Variants in NR2C1 observed in about 807,000 individuals in gnomAD.
The protein encoded by NR2C1 is nuclear receptor subfamily 2 group C member 1, also known as TR2 nuclear hormone receptor.
NR2C1 carries 33 observed loss-of-function variants against 74.8 expected under a neutral mutation model. The ratio of observed to expected loss-of-function variants is 0.44; its 90% confidence interval spans 0.33 to 0.59. The LOEUF (loss-of-function observed/expected upper bound fraction) is 0.59, where lower values mean the gene tolerates loss of function less well. Ranked by LOEUF, NR2C1 falls within the 20% of genes least tolerant of loss-of-function variation. The pLI, the probability that NR2C1 is intolerant of heterozygous loss-of-function variation, is 0.02. For synonymous variants in NR2C1, 225 were observed against 240.6 expected, an observed-to-expected ratio of 0.94 and a Z score of 0.60; for missense variants, 568 against 715.6, an observed-to-expected ratio of 0.79 and a Z score of 2.35.
chr12:95,065,246 G>A (rs1470504072), intron 2 of NR2C1, among the ~76,000 whole-genome samples: 1 of 151,840 alleles, frequency 6.6e-6, no homozygotes. Context: ...GCAGTGGTGC[G>A]ATCTCGGCTC....
chr12:95,025,894 G>A (rs759020142), intron 12 of NR2C1, among the ~76,000 whole-genome samples: 2 of 151,550 alleles, frequency 1.3e-5, no homozygotes, highest in Non-Finnish European at 2.9e-5. Flanking sequence ...GGAGCAAAAG[G>A]TAAATGACTC....
intron 1 of NR2C1, among the ~76,000 whole-genome samples, chr12:95,071,842 G>C (rs1261018288): frequency 6.6e-6 from 1 of 150,578 alleles, no homozygotes; most frequent in Non-Finnish European, 1.5e-5. Flanking sequence ...TCCGCCTCCC[G>C]GGTTCAAGCA....
At chr12:95,045,668 A>G (rs923525061) in intron 9 of NR2C1, among the ~76,000 whole-genome samples, 12 of 152,318 alleles carry the variant, frequency 7.9e-5, no homozygotes, top group African/African-American at 2.6e-4. Context: ...ATAAAATTTT[A>G]GAAATAAGTA....
intron 1 of NR2C1, chr12:95,072,917 G>C (rs1183556039): frequency 6.6e-6 from 1 of 152,254 alleles, no homozygotes; most frequent in African/African-American, 2.4e-5. Flanking sequence ...ATGCAGGCCG[G>C]GACTTGCGGC....
Position 95,057,737 on chromosome 12 carries a change from C to T in NR2C1, c.686G>A (p.Ser229Asn). Residue 229 changes from serine to asparagine, a missense_variant, in exon 6 of 14, where the codon AGT becomes AAT. Physicochemically the swap from Ser to Asn is conservative, Grantham distance 46. Coordinates refer to ENST00000333003, the MANE Select transcript of NR2C1 (RefSeq NM_003297.4). ...ATPTFVTDSE[S>N]TRSTGLLDSG... is the part of the protein sequence containing the mutation. Reference sequence around the variant, plus strand: ...AGTGTCTGTTTTACTTTACCTTGTACTTTCACTATCTGTTACAAAAGTTGG... The same window carrying T: ...AGTGTCTGTTTTACTTTACCTTGTATTTTCACTATCTGTTACAAAAGTTGG... 2 of 1,613,894 alleles carry T rather than the reference C, an allele frequency of 1.2e-6. No individual in the cohort carries two copies. Among genetic ancestry groups the T allele is most frequent in the Non-Finnish European group, 1.7e-6 (2 of 1,179,908 alleles).
chr12:95,064,328 CAA>C (rs35375374), intron 2 of NR2C1, among the ~76,000 whole-genome samples: 41,369 of 108,038 alleles, frequency 0.38, 5,819 homozygotes, highest in African/African-American at 0.46. Context: ...GAGTCTGTCT[CAA>C]AAAAAAAAAA....
intron 3 of NR2C1, among the ~76,000 whole-genome samples, chr12:95,061,068 A>G (rs550877378): frequency 3.4e-4 from 52 of 152,342 alleles, no homozygotes; most frequent in Non-Finnish European, 6.2e-4. Flanking sequence ...ACCCACATTC[A>G]TGAGAAAAAC....
chr12:95,034,824 G>A (rs549130921), intron 10 of NR2C1, among the ~76,000 whole-genome samples: 2 of 152,254 alleles, frequency 1.3e-5, no homozygotes, highest in South Asian at 2.1e-4. Flanking sequence ...ATATAGCCTT[G>A]ATGTGTAGTA....
At chr12:95,060,010 AAAC>A in intron 3 of NR2C1, 26 bp from the exon 4 acceptor site, 1 of 1,504,996 alleles carries the variant, frequency 6.6e-7, no homozygotes, top group Non-Finnish European at 8.9e-7. Context: ...AAAAAAAAGA[AAAC>A]AAAAACGAAA....
At position 95,030,517 on chromosome 12, in the gene NR2C1, T is replaced by C. The variant is rs1869946761; in HGVS notation, c.1393+832A>G. 5 of 1,599,858 alleles carry C rather than the reference T, an allele frequency of 3.1e-6. No homozygotes were observed. In the East Asian group the frequency reaches 1.1e-4, roughly 36 times the overall value. ...TCCTGAAGGTAGGCTTTATAACCATTACAGGCATATAAGACATGAACCAGG... is the reference window on the plus strand; with the variant it reads ...TCCTGAAGGTAGGCTTTATAACCATCACAGGCATATAAGACATGAACCAGG... On this transcript the variant is annotated intron_variant, in intron 11 of 13. Transcript: ENST00000333003.
In NR2C1 at chr12:95,062,539, G is replaced by A; in HGVS notation, c.254C>T (p.Thr85Ile). The A allele has an allele frequency of 1.2e-6, 2 of 1,611,692 alleles. No homozygotes were observed. Among genetic ancestry groups the A allele is most frequent in the Non-Finnish European group, 1.7e-6 (2 of 1,178,546 alleles). The stretch of plus-strand genomic sequence containing the variant: ...GTGTTGTGCAGACAGATCAGGAGTG[G>A]TAAAAAATAACTGGTTGACACCTGC... ...DAAGVNQLFF[T>I]TPDLSAQHLQ... Residue 85 changes from threonine (T) to isoleucine (I), a missense_variant, in exon 3 of 14, where the codon ACC (threonine) becomes ATC (isoleucine). Around this residue, in one of 6 missense-constraint regions of NR2C1, gnomAD observed 128 missense variants for 118.9 expected, o/e 1.08. Transcript: ENST00000333003.
chr12:95,030,375 A>G, intron 11 of NR2C1: 1 of 1,054,236 alleles, frequency 9.5e-7, no homozygotes, highest in Non-Finnish European at 1.2e-6. Flanking sequence ...TATTTAGTAA[A>G]AACACTGTTA....
chr12:95,057,454 A>C (rs1874086367), intron 7 of NR2C1, 99 bp downstream of exon 7: 1 of 829,324 alleles, frequency 1.2e-6, no homozygotes, highest in East Asian at 2.7e-5. Context: ...GTAATATGGA[A>C]TATTTAAGAA....
chr12:95,051,617 A>T (rs1349501731), intron 8 of NR2C1, 145 bp downstream of exon 8: 5 of 691,646 alleles, frequency 7.2e-6, no homozygotes, highest in Non-Finnish European at 1.2e-5. Flanking sequence ...AGCATTTCGG[A>T]TAAGAGATAA....
chr12:95,035,703 A>T (rs1348698426), intron 10 of NR2C1, among the ~76,000 whole-genome samples: 2 of 152,256 alleles, frequency 1.3e-5, no homozygotes, highest in Non-Finnish European at 2.9e-5. Context: ...ATTTACATTT[A>T]TCTAAACCCC....
At position 95,057,732 on chromosome 12, in the gene NR2C1, TTG is replaced by T. The variant is rs745995714; in HGVS notation, c.689_690del (p.Thr230LysfsTer22). 1.2e-6 allele frequency: 2 copies of T among 1,613,828 alleles called. No homozygotes were observed. The highest frequency in any genetic ancestry group is 1.7e-6 in the Non-Finnish European group (2 of 1,179,940). On this transcript the variant is annotated frameshift_variant and splice_region_variant, in exon 6 of 14. Coordinates refer to ENST00000333003, the MANE Select transcript of NR2C1 (RefSeq NM_003297.4). LOFTEE classifies it high-confidence loss of function. ...TACTCAGTGTCTGTTTTACTTTACCTTGTACTTTCACTATCTGTTACAAAAGT... is the reference window on the plus strand; with the variant it reads ...TACTCAGTGTCTGTTTTACTTTACCTTACTTTCACTATCTGTTACAAAAGT... ...TPTFVTDSESTRSTGLLDSGM... is the reference protein window; with the variant it reads ...TPTFVTDSESXRSTGLLDSGM...
chr12:95,061,117 C>A (rs963088543), intron 3 of NR2C1, among the ~76,000 whole-genome samples: 2 of 152,144 alleles, frequency 1.3e-5, no homozygotes, highest in African/African-American at 4.8e-5. Flanking sequence ...CTACAATATA[C>A]CTGGCCAGTA....
chr12:95,068,337 T>A (rs1444173870), intron 1 of NR2C1, among the ~76,000 whole-genome samples: 1 of 152,250 alleles, frequency 6.6e-6, no homozygotes, highest in Non-Finnish European at 1.5e-5. Flanking sequence ...ATATACTCAA[T>A]TCTGAGGTAC....
chr12:95,028,193 T>C, intron 12 of NR2C1, 194 bp downstream of exon 12: 3 of 518,370 alleles, frequency 5.8e-6, no homozygotes, highest in Non-Finnish European at 1.0e-5. Flanking sequence ...TATATATTTT[T>C]CATTTCTCTT....
Sources: gnomAD v4.1 joint callset for allele counts (sites outside exome capture counted in the v4.1 genomes callset) on GRCh38, gnomAD v4.1.1 for gene constraint, gnomAD v4.1.1 regional missense constraint, MANE v1.5 for transcripts, NCBI Gene and HGNC (gene_info 2026-07-23, HGNC 2026-07-21) for gene names.